PDE4D: variants seen among roughly 807,000 people sequenced by gnomAD.
The protein encoded by PDE4D is phosphodiesterase 4D, also known as 3',5'-cyclic-AMP phosphodiesterase 4D.
Under a neutral mutation model 87.4 loss-of-function variants are expected in PDE4D, and 24 were observed. The ratio of observed to expected loss-of-function variants is 0.27; its 90% CI spans 0.20 to 0.39. The LOEUF is 0.39. Ranked by LOEUF, PDE4D falls within the 10% of genes least tolerant of loss-of-function variation. The pLI, the probability that PDE4D is intolerant of heterozygous loss-of-function variation, is 1.00. For synonymous variants in PDE4D, 384 were observed against 383.2 expected (o/e 1.00, Z -0.02); for missense variants, 714 against 1,041.0 (o/e 0.69, Z 4.32).
chr5:60,510,944 T>C (rs1181216831), intron 1 of PDE4D, among the ~76,000 whole-genome samples: 1 of 152,088 alleles, frequency 6.6e-6, no homozygotes, highest in Non-Finnish European at 1.5e-5. Context: ...AAATTCCTCC[T>C]GCCGTGGTAG....
chr5:59,450,916 T>G (rs555939616), intron 1 of PDE4D, among the ~76,000 whole-genome samples: 48 of 141,968 alleles, frequency 3.4e-4, no homozygotes, highest in Non-Finnish European at 6.3e-4. Context: ...CCATAAGCAC[T>G]TATTTTTCAC....
In PDE4D at chr5:60,089,432, C is replaced by A. The variant is rs142890302; in HGVS notation, c.42+96125G>T. The stretch of plus-strand genomic sequence containing the variant: ...TCCATGGAAAGAAAACAACATGCTA[C>A]TGAAAAACAAATTGGTCAATGAATA... On this transcript the variant is annotated intron_variant, in intron 2 of 16. Coordinates refer to the PDE4D transcript ENST00000502484. 3.3e-4 allele frequency among the ~76,000 whole-genome samples: 50 copies of A among 151,940 alleles called. No individual in the cohort carries two copies. In the East Asian group the frequency reaches 9.1e-3, roughly 28 times the overall value.
At chr5:59,943,969 A>T (rs1278583107) in intron 3 of PDE4D, among the ~76,000 whole-genome samples, 1 of 152,226 alleles carries the variant, frequency 6.6e-6, no homozygotes, top group East Asian at 1.9e-4. Flanking sequence ...CAGGGAGGAA[A>T]GGTCACTTGG....
chr5:60,250,483 C>T (rs1446853074), intron 1 of PDE4D, among the ~76,000 whole-genome samples: 3 of 151,894 alleles, frequency 2.0e-5, no homozygotes, highest in Admixed American at 6.6e-5. Flanking sequence ...TAATCATGTG[C>T]CATATAATGA....
chr5:58,995,724 C>G (rs1279063901), intron 6 of PDE4D, among the ~76,000 whole-genome samples: 3 of 152,054 alleles, frequency 2.0e-5, no homozygotes, highest in Non-Finnish European at 4.4e-5. Context: ...GTAGTTATAA[C>G]CATAAAAATA....
chr5:60,198,596 AT>A (rs1183695102), intron 1 of PDE4D, among the ~76,000 whole-genome samples: 2 of 151,808 alleles, frequency 1.3e-5, no homozygotes, highest in Admixed American at 1.3e-4. Flanking sequence ...GTCAGCGTAT[AT>A]AACCACTGTA....
intron 3 of PDE4D, among the ~76,000 whole-genome samples, chr5:59,964,347 T>A (rs1306947429): frequency 6.6e-6 from 1 of 152,212 alleles, no homozygotes; most frequent in Non-Finnish European, 1.5e-5. Context: ...TGGCTTCAGC[T>A]GGACTAATCT....
At chr5:59,428,497 A>C (rs1362786925) in intron 1 of PDE4D, among the ~76,000 whole-genome samples, 2 of 152,082 alleles carry the variant, frequency 1.3e-5, no homozygotes, top group African/African-American at 4.8e-5. Flanking sequence ...AGATGATATG[A>C]AAATAAACAT....
At chr5:59,254,007 A>C (rs894806850) in intron 1 of PDE4D, among the ~76,000 whole-genome samples, 2 of 152,162 alleles carry the variant, frequency 1.3e-5, no homozygotes, top group Non-Finnish European at 1.5e-5. Context: ...GGTGTGTTTC[A>C]TGTATAACCA....
intron 1 of PDE4D, among the ~76,000 whole-genome samples, chr5:59,705,176 A>G (rs996971499): frequency 1.3e-5 from 2 of 152,164 alleles, no homozygotes; most frequent in African/African-American, 2.4e-5. Flanking sequence ...TGGCAAGAAT[A>G]TAGTAAATGA....
intron 1 of PDE4D, among the ~76,000 whole-genome samples, chr5:60,386,105 T>C (rs572836335): frequency 2.9e-4 from 44 of 152,226 alleles, no homozygotes; most frequent in African/African-American, 9.4e-4. Context: ...TTATATATTA[T>C]ACAAAATAAA....
At chr5:59,198,723 C>T (rs1422494888) in intron 2 of PDE4D, among the ~76,000 whole-genome samples, 1 of 152,104 alleles carries the variant, frequency 6.6e-6, no homozygotes, top group East Asian at 1.9e-4. Context: ...AACTTCTATT[C>T]TCTATTCCCC....
intron 1 of PDE4D, among the ~76,000 whole-genome samples, chr5:59,549,838 C>T (rs1422013812): frequency 6.6e-6 from 1 of 151,956 alleles, no homozygotes; most frequent in African/African-American, 2.4e-5. Context: ...TCAGGATAAA[C>T]TTGGTTTTAC....
chr5:58,999,971 T>TA (rs1200239551), intron 6 of PDE4D: 5 of 925,524 alleles, frequency 5.4e-6, no homozygotes, highest in African/African-American at 5.4e-5. Context: ...GCCCCTCCCA[T>TA]AAAACCCCAA....
chr5:59,511,603 A>G (rs1810290111), intron 1 of PDE4D, among the ~76,000 whole-genome samples: 3 of 152,044 alleles, frequency 2.0e-5, no homozygotes, highest in Admixed American at 1.3e-4. Flanking sequence ...GTGAATTCAT[A>G]AGAAATTCAC....
At chr5:60,064,127 A>G (rs1433871566) in intron 2 of PDE4D, among the ~76,000 whole-genome samples, 2 of 152,110 alleles carry the variant, frequency 1.3e-5, no homozygotes, top group African/African-American at 4.8e-5. Context: ...AATAATAATC[A>G]CATATAATTT....
chr5:60,179,864 T>G (rs993339732), intron 2 of PDE4D, among the ~76,000 whole-genome samples: 1 of 152,178 alleles, frequency 6.6e-6, no homozygotes, highest in Non-Finnish European at 1.5e-5. Flanking sequence ...CTAGAGCAAA[T>G]ACTACTGATA....
At chr5:60,185,537 T>C (rs1279709777) in intron 2 of PDE4D, 66 of 1,501,806 alleles carry the variant, frequency 4.4e-5, no homozygotes, top group Non-Finnish European at 5.8e-5. Context: ...AGAAAATAGA[T>C]GAAAACAAAA....
intron 2 of PDE4D, among the ~76,000 whole-genome samples, chr5:60,108,762 C>T (rs192822246): frequency 2.4e-3 from 368 of 152,116 alleles, no homozygotes; most frequent in Non-Finnish European, 4.1e-3. Flanking sequence ...AATGGGGAAA[C>T]GATTCCCTAT....
Sources: gnomAD v4.1 joint callset for allele counts (sites outside exome capture counted in the v4.1 genomes callset) on GRCh38, gnomAD v4.1.1 for gene constraint, MANE v1.5 for transcripts, NCBI Gene and HGNC (gene_info 2026-07-23, HGNC 2026-07-21) for gene names.